The following TSHZ2 variants were observed in gnomAD, a reference collection of about 807,000 sequenced individuals.
TSHZ2 encodes teashirt zinc finger homeobox 2, also known as teashirt homolog 2.
In TSHZ2, 21 loss-of-function variants were observed where a neutral mutation model predicts 74.4. The ratio of observed to expected loss-of-function variants is 0.28; its 90% confidence interval spans 0.20 to 0.41. TSHZ2 has a LOEUF of 0.41. Among genes scored for constraint, TSHZ2 ranks in the 10% least tolerant of loss-of-function variants. The pLI is 1.00. For missense variants in TSHZ2, 1,244 were observed against 1,293.5 expected, an observed-to-expected ratio of 0.96 and a Z score of 0.59; for synonymous variants, 540 against 515.3, an observed-to-expected ratio of 1.05 and a Z score of -0.65.
At chr20:53,379,130 C>T (rs1480617736) in intron 2 of TSHZ2, among the ~76,000 whole-genome samples, 1 of 152,162 alleles carries the variant, frequency 6.6e-6, no homozygotes, top group Non-Finnish European at 1.5e-5. Flanking sequence ...GCCTGTAATC[C>T]CGGCACTTTG....
At chr20:53,379,106 G>C (rs147054181) in intron 2 of TSHZ2, among the ~76,000 whole-genome samples, 1 of 152,194 alleles carries the variant, frequency 6.6e-6, no homozygotes, top group African/African-American at 2.4e-5. Context: ...AGTAAGCCAG[G>C]CATGGTGGCA....
At chr20:53,245,915 A>T (rs899615728) in intron 1 of TSHZ2, among the ~76,000 whole-genome samples, 23 of 152,326 alleles carry the variant, frequency 1.5e-4, no homozygotes, top group Admixed American at 1.4e-3. Context: ...CAGAGGTTGC[A>T]AATGGTTGGG....
chr20:53,353,445 T>C (rs2145590581), intron 2 of TSHZ2, among the ~76,000 whole-genome samples: 1 of 152,378 alleles, frequency 6.6e-6, no homozygotes, highest in East Asian at 1.9e-4. Flanking sequence ...ACATAATGTT[T>C]TATAAATCGA....
chr20:53,203,433 G>T (rs1372918420), intron 1 of TSHZ2, among the ~76,000 whole-genome samples: 1 of 152,066 alleles, frequency 6.6e-6, no homozygotes, highest in East Asian at 1.9e-4. Flanking sequence ...GACCCCAAGT[G>T]ATGTGCCCAC....
intron 1 of TSHZ2, among the ~76,000 whole-genome samples, chr20:53,164,766 C>G (rs1988027629): frequency 6.6e-6 from 1 of 152,168 alleles, no homozygotes; most frequent in African/African-American, 2.4e-5. Context: ...TTTCGCCTTC[C>G]TAACAATATC....
chr20:53,035,216 T>C (rs1395053308), intron 1 of TSHZ2, among the ~76,000 whole-genome samples: 1 of 152,132 alleles, frequency 6.6e-6, no homozygotes, highest in African/African-American at 2.4e-5. Flanking sequence ...CTCTCCTCTG[T>C]GATTTGCTGC....
At chr20:53,231,018 G>A (rs1795531006) in intron 1 of TSHZ2, among the ~76,000 whole-genome samples, 1 of 152,212 alleles carries the variant, frequency 6.6e-6, no homozygotes, top group African/African-American at 2.4e-5. Flanking sequence ...TTCAAGTGTG[G>A]AGAGGCTGGA....
chr20:53,207,890 A>T, intron 1 of TSHZ2, among the ~76,000 whole-genome samples: 1 of 120,356 alleles, frequency 8.3e-6, no homozygotes, highest in Admixed American at 1.0e-4. Context: ...TTGATAAATG[A>T]GGTCTTCCTA....
chr20:53,024,538 C>A (rs1031643931), intron 1 of TSHZ2, among the ~76,000 whole-genome samples: 1 of 151,910 alleles, frequency 6.6e-6, no homozygotes, highest in Non-Finnish European at 1.5e-5. Flanking sequence ...AGTACATGAG[C>A]AGAATGTGCA....
chr20:53,367,233 TAA>T (rs879659669), intron 2 of TSHZ2, among the ~76,000 whole-genome samples: 6 of 139,784 alleles, frequency 4.3e-5, no homozygotes, highest in Non-Finnish European at 3.1e-5. Flanking sequence ...CTGTCTCTAC[TAA>T]AAAAAAAAAA....
intron 1 of TSHZ2, among the ~76,000 whole-genome samples, chr20:53,004,788 A>G (rs543436499): frequency 6.6e-6 from 1 of 152,334 alleles, no homozygotes; most frequent in African/African-American, 2.4e-5. Context: ...AATAATAAAA[A>G]TAATAATAGC....
At chr20:53,298,042 A>G (rs1375619094) in intron 2 of TSHZ2, among the ~76,000 whole-genome samples, 11 of 152,190 alleles carry the variant, frequency 7.2e-5, no homozygotes, top group East Asian at 5.8e-4. Flanking sequence ...GGTGTCTCCA[A>G]CTTCTTTCGG....
intron 2 of TSHZ2, among the ~76,000 whole-genome samples, chr20:53,386,234 G>T (rs1008854597): frequency 6.6e-6 from 1 of 152,196 alleles, no homozygotes; most frequent in Non-Finnish European, 1.5e-5. Context: ...GCAAGAAAGA[G>T]AATAAATATG....
chr20:53,470,493 C>T (rs1047905722), intron 2 of TSHZ2, among the ~76,000 whole-genome samples: 4 of 151,692 alleles, frequency 2.6e-5, no homozygotes, highest in African/African-American at 9.7e-5. Flanking sequence ...TCCATTGCTC[C>T]TTTGCTTCCT....
At chr20:53,021,468 G>A (rs949664565) in intron 1 of TSHZ2, among the ~76,000 whole-genome samples, 1 of 152,162 alleles carries the variant, frequency 6.6e-6, no homozygotes, top group Non-Finnish European at 1.5e-5. Context: ...ATCAAATTGG[G>A]TTTGCCTTCT....
intron 2 of TSHZ2, among the ~76,000 whole-genome samples, chr20:53,375,026 T>C (rs1981612007): frequency 6.6e-6 from 1 of 152,048 alleles, no homozygotes; most frequent in East Asian, 1.9e-4. Flanking sequence ...TTTTGAGGCA[T>C]TTATTTCATT....
intron 1 of TSHZ2, among the ~76,000 whole-genome samples, chr20:53,143,549 G>T (rs369234033): frequency 6.6e-6 from 1 of 151,984 alleles, no homozygotes; most frequent in African/African-American, 2.4e-5. Context: ...AAAATTAGCC[G>T]GGCATGGTGG....
intron 2 of TSHZ2, among the ~76,000 whole-genome samples, chr20:53,426,599 AATG>A (rs1209457479): frequency 6.6e-6 from 1 of 152,152 alleles, no homozygotes; most frequent in Non-Finnish European, 1.5e-5. Context: ...GACAAAGATA[AATG>A]ATGATTTTTA....
chr20:53,050,101 G>GTATA (rs1213487235), intron 1 of TSHZ2, among the ~76,000 whole-genome samples: 60 of 60,444 alleles, frequency 9.9e-4, no homozygotes, highest in African/African-American at 4.8e-3. Flanking sequence ...ATGTATATGT[G>GTATA]TGTATATATA....
Sources: allele counts gnomAD v4.1 joint callset (sites outside exome capture counted in the v4.1 genomes callset), GRCh38; gene constraint gnomAD v4.1.1; transcripts MANE v1.5; gene names NCBI Gene and HGNC (gene_info 2026-07-23, HGNC 2026-07-21).